Variants in TRAK1 observed in about 807,000 individuals in gnomAD.
TRAK1 encodes the protein trafficking kinesin protein 1.
A neutral mutation model predicts 92.1 loss-of-function variants in TRAK1; 33 were observed. The observed-to-expected ratio is 0.36, with a 90% confidence interval of 0.27 to 0.48. The LOEUF (loss-of-function observed/expected upper bound fraction) is 0.48, where lower values mean the gene tolerates loss of function less well. Among genes scored for constraint, TRAK1 ranks in the 20% least tolerant of loss-of-function variants. TRAK1 has a pLI of 0.99. For missense variants in TRAK1, 1,123 were observed against 1,257.9 expected (o/e 0.89, Z 1.62); for synonymous variants, 521 against 517.3 (o/e 1.01, Z -0.10).
At chr3:42,064,179 AGCCAGGCGGGC>A (rs1703574407) in intron 1 of TRAK1, among the ~76,000 whole-genome samples, 1 of 152,184 alleles carries the variant, frequency 6.6e-6, no homozygotes, top group South Asian at 2.1e-4. Context: ...GAATGCTCGC[AGCCAGGCGGGC>A]GCTGTGGCTC....
chr3:42,201,856 A>ACGGATGGG (rs1707613660), intron 12 of TRAK1, among the ~76,000 whole-genome samples: 1 of 14,496 alleles, frequency 6.9e-5, no homozygotes, highest in African/African-American at 2.2e-4. Context: ...CAGAACCTGG[A>ACGGATGGG]CGGACGGACG....
At chr3:42,214,311 G>C (rs909010163) in intron 14 of TRAK1, among the ~76,000 whole-genome samples, 4 of 152,172 alleles carry the variant, frequency 2.6e-5, no homozygotes, top group Non-Finnish European at 5.9e-5. Context: ...GTGCTCTCTT[G>C]TGCTGGCCTT....
At chr3:42,048,992 A>C in intron 1 of TRAK1, among the ~76,000 whole-genome samples, 1 of 152,126 alleles carries the variant, frequency 6.6e-6, no homozygotes, top group East Asian at 1.9e-4. Flanking sequence ...GCCTCAAGCA[A>C]TCCTTCTGCA....
Position 42,202,933 on chromosome 3 carries a change from C to G in TRAK1, c.1744+181C>G. ...TGCTCAGCCTAGGCCTCCGTCCCTC[C>G]CCTCTGGCTGGCAGGTGTGACAATG... is the stretch of plus-strand genomic sequence containing the variant. On this transcript the variant is annotated intron_variant, in intron 13 of 15. Coordinates refer to ENST00000327628, the MANE Select transcript of TRAK1 (RefSeq NM_001042646.3). This position sits in a 1 kb window ranked among gnomAD's most constrained non-coding sequence, Gnocchi z 6.1. 2.1e-6 allele frequency: 3 copies of G among 1,404,436 alleles called. No individual in the cohort carries two copies. Among genetic ancestry groups the G allele is most frequent in the Non-Finnish European group, 2.8e-6 (3 of 1,078,818 alleles). 87.0% of individuals were successfully genotyped at this position (1,404,436 alleles called of 1,614,324 possible).
At chr3:42,204,641 G>A (rs1708116400) in intron 13 of TRAK1, among the ~76,000 whole-genome samples, 1 of 152,170 alleles carries the variant, frequency 6.6e-6, no homozygotes, top group Admixed American at 6.5e-5. Context: ...CTGCAGTACA[G>A]TAGTGTGATC....
At chr3:42,052,891 G>A (rs1703037762) in intron 1 of TRAK1, among the ~76,000 whole-genome samples, 1 of 152,186 alleles carries the variant, frequency 6.6e-6, no homozygotes, top group African/African-American at 2.4e-5. Flanking sequence ...AAAACTGGTG[G>A]CTGAATGCGT....
chr3:42,058,483 G>A (rs553958551), intron 1 of TRAK1, among the ~76,000 whole-genome samples: 1 of 151,520 alleles, frequency 6.6e-6, no homozygotes, highest in East Asian at 1.9e-4. Context: ...GATTACAGGC[G>A]CCCCCGCCAC....
chr3:42,019,905 A>G (rs1262100319), intron 1 of TRAK1, among the ~76,000 whole-genome samples: 1 of 152,234 alleles, frequency 6.6e-6, no homozygotes, highest in Admixed American at 6.5e-5. Context: ...TGTTTGTCTG[A>G]GGACCATTGG....
rs1034085930 is a variant in TRAK1, at chr3:42,224,948, C to T, written c.*1211C>T. ...CACAACAAGATATTTTCTTTCCCTC[C>T]AAAGCCTTTTGTCTCCTTGTGCCTC... On this transcript the variant is annotated 3_prime_UTR_variant, in exon 16 of 16. Coordinates refer to ENST00000327628, the MANE Select transcript of TRAK1 (RefSeq NM_001042646.3). The T allele has an allele frequency of 5.3e-5, 8 of 152,318 alleles. No homozygotes were observed. The highest frequency in any genetic ancestry group is 3.9e-4 in the Admixed American group (6 of 15,294). The allele number at this position is 152,318 out of a possible 1,614,324, so 9.4% of individuals were successfully genotyped here. A position where few individuals can be genotyped will look rare whatever the true frequency, so the allele number is the denominator to read the frequency against.
At chr3:42,152,682 G>A (rs907878355) in intron 2 of TRAK1, among the ~76,000 whole-genome samples, 1 of 152,296 alleles carries the variant, frequency 6.6e-6, no homozygotes, top group Middle Eastern at 3.4e-3. Flanking sequence ...TCAGTTTCGG[G>A]ATCTTAGATT....
intron 13 of TRAK1, chr3:42,203,299 AT>A: frequency 1.0e-6 from 1 of 993,960 alleles, no homozygotes. Context: ...CAGATGCAGT[AT>A]GTTCTGAGCG....
At chr3:42,127,785 A>G (rs1710781829) in intron 2 of TRAK1, among the ~76,000 whole-genome samples, 1 of 152,182 alleles carries the variant, frequency 6.6e-6, no homozygotes, top group Non-Finnish European at 1.5e-5. Context: ...TAAAATGCCT[A>G]CAGTTGGGTA....
At chr3:42,184,923 G>T in intron 4 of TRAK1, 122 bp downstream of exon 4, 2 of 908,914 alleles carry the variant, frequency 2.2e-6, no homozygotes, top group Non-Finnish European at 3.4e-6. Flanking sequence ...GGGCACGACC[G>T]CGGCCTGAGC....
At chr3:42,035,380 C>T (rs895924667) in intron 1 of TRAK1, among the ~76,000 whole-genome samples, 2 of 152,162 alleles carry the variant, frequency 1.3e-5, no homozygotes, top group African/African-American at 4.8e-5. Flanking sequence ...AGACCTGTCT[C>T]CTGAGCTCTG....
chr3:42,171,441 T>TTTCTG (rs1228210751), intron 2 of TRAK1, among the ~76,000 whole-genome samples: 1 of 152,214 alleles, frequency 6.6e-6, no homozygotes, highest in Non-Finnish European at 1.5e-5. Flanking sequence ...TTTATCAAGC[T>TTTCTG]TGTTAATTTG....
At chr3:42,219,196 C>G (rs1335785853) in intron 14 of TRAK1, 3 of 985,066 alleles carry the variant, frequency 3.0e-6, no homozygotes, top group Non-Finnish European at 3.6e-6. Flanking sequence ...TTACCCCACC[C>G]CCCTCGCCTC....
At chr3:42,077,986 G>T (rs1182092195) in intron 1 of TRAK1, among the ~76,000 whole-genome samples, 1 of 152,224 alleles carries the variant, frequency 6.6e-6, no homozygotes, top group Non-Finnish European at 1.5e-5. Flanking sequence ...TTCTTCCGCA[G>T]TTTGACAAGT....
chr3:42,016,172 G>A (rs1415929793), intron 1 of TRAK1, among the ~76,000 whole-genome samples: 1 of 151,986 alleles, frequency 6.6e-6, no homozygotes, highest in Non-Finnish European at 1.5e-5. Flanking sequence ...ATCTTAAGTG[G>A]ACTTTGTTCC....
chr3:42,027,262 G>A (rs1305649747), intron 1 of TRAK1, among the ~76,000 whole-genome samples: 1 of 152,240 alleles, frequency 6.6e-6, no homozygotes, highest in East Asian at 1.9e-4. Flanking sequence ...GGTGGCTCAC[G>A]CCTGTAATCC....
Sources: allele counts gnomAD v4.1 joint callset (sites outside exome capture counted in the v4.1 genomes callset), GRCh38; gene constraint gnomAD v4.1.1; non-coding constraint Gnocchi (gnomAD v3.1); transcripts MANE v1.5; gene names NCBI Gene and HGNC (gene_info 2026-07-23, HGNC 2026-07-21).